The following PAQR5 variants were observed in gnomAD, a reference collection of about 807,000 sequenced individuals.
The protein encoded by PAQR5 is progestin and adipoQ receptor family member 5, also known as membrane progestin receptor gamma.
In PAQR5, 20 loss-of-function variants were observed where a neutral mutation model predicts 34.5. That is an observed-to-expected ratio of 0.58 (90% CI 0.41 to 0.84). The LOEUF is 0.84. Ranked by LOEUF, PAQR5 falls within the 40% of genes least tolerant of loss-of-function variation. The pLI is 0.00. For synonymous variants in PAQR5, 131 were observed against 155.6 expected, an observed-to-expected ratio of 0.84 and a Z score of 1.18; for missense variants, 378 against 412.7, an observed-to-expected ratio of 0.92 and a Z score of 0.73.
chr15:69,345,334 G>T lies in PAQR5; in HGVS notation c.-116+7833G>T, dbSNP rs2054742050. Among the ~76,000 whole-genome samples, 4 of 152,120 alleles carry T rather than the reference G, an allele frequency of 2.6e-5. No homozygotes were observed. In the South Asian group the frequency reaches 8.3e-4, roughly 32 times the overall value. On this transcript the variant is annotated intron_variant, in intron 2 of 8. Transcript: ENST00000395407. ...TATTAAGTTTTTGGACTCTCTCATT[G>T]GGAAAATAGTCCATAGGCTTATAAT...
chr15:69,348,185 A>G (rs1181628428), intron 2 of PAQR5, among the ~76,000 whole-genome samples: 1 of 152,150 alleles, frequency 6.6e-6, no homozygotes, highest in Non-Finnish European at 1.5e-5. Context: ...TTTCCTCTCA[A>G]TAAAACATAA....
chr15:69,403,166 T>C (rs2140279665), intron 8 of PAQR5, among the ~76,000 whole-genome samples: 1 of 152,362 alleles, frequency 6.6e-6, no homozygotes, highest in Admixed American at 6.5e-5. Context: ...GGTGGATAAG[T>C]TGTTTTAAAA....
intron 6 of PAQR5, among the ~76,000 whole-genome samples, chr15:69,390,913 C>T (rs755801916): frequency 1.3e-5 from 2 of 151,286 alleles, no homozygotes; most frequent in East Asian, 3.9e-4. Context: ...CCAATTTATT[C>T]AGCTCTTTGT....
chr15:69,389,556 T>C (rs1009166214), intron 5 of PAQR5, 98 bp from the exon 6 acceptor site: 2 of 1,509,302 alleles, frequency 1.3e-6, no homozygotes, highest in African/African-American at 1.4e-5. Context: ...ACTGTGGGAA[T>C]GATAAGGGCC....
chr15:69,346,328 C>T, intron 2 of PAQR5, among the ~76,000 whole-genome samples: 1 of 73,888 alleles, frequency 1.4e-5, no homozygotes, highest in African/African-American at 5.3e-5. Context: ...TTTTTTGCGA[C>T]AGGGTCTCAC....
intron 3 of PAQR5, among the ~76,000 whole-genome samples, chr15:69,363,982 A>G (rs757069246): frequency 2.6e-5 from 4 of 152,138 alleles, no homozygotes; most frequent in Non-Finnish European, 5.9e-5. Context: ...CTACACAGAG[A>G]GGAAAAGCAA....
intron 1 of PAQR5, among the ~76,000 whole-genome samples, chr15:69,328,628 C>A (rs1244774492): frequency 6.6e-6 from 1 of 151,958 alleles, no homozygotes; most frequent in African/African-American, 2.4e-5. Context: ...GGGAGTTGCT[C>A]GGGATGGGGG....
intron 6 of PAQR5, chr15:69,391,142 C>T (rs2056259227): frequency 6.5e-6 from 1 of 152,832 alleles, no homozygotes; most frequent in African/African-American, 2.4e-5. Flanking sequence ...CTCCCTGCCT[C>T]CACTTGCCCC....
At position 69,398,022 on chromosome 15, in the gene PAQR5, C is replaced by T. The variant is rs563114613; in HGVS notation, c.609+458C>T. 2.6e-5 allele frequency among the ~76,000 whole-genome samples: 4 copies of T among 152,230 alleles called. No homozygotes were observed. In the East Asian group the frequency reaches 7.7e-4, roughly 29 times the overall value. On this transcript the variant is annotated intron_variant, in intron 7 of 8. Transcript: ENST00000395407. ...AGAGCGAGCTCTGCAGGCAGGTCTCCAATACTTGCTGTCAGTCCCTGGGCC... is the reference window on the plus strand; with the variant it reads ...AGAGCGAGCTCTGCAGGCAGGTCTCTAATACTTGCTGTCAGTCCCTGGGCC...
chr15:69,340,551 G>A (rs1408205707), intron 2 of PAQR5, among the ~76,000 whole-genome samples: 3 of 152,206 alleles, frequency 2.0e-5, no homozygotes, highest in Non-Finnish European at 4.4e-5. Context: ...CAAGGAGGCT[G>A]AAGTTCAGGC....
intron 2 of PAQR5, among the ~76,000 whole-genome samples, chr15:69,340,932 T>C (rs182971766): frequency 6.6e-6 from 1 of 152,360 alleles, no homozygotes; most frequent in African/African-American, 2.4e-5. Context: ...TAAATTTTTG[T>C]ATTAAAACAA....
chr15:69,353,461 G>A (rs2140803721), intron 2 of PAQR5, among the ~76,000 whole-genome samples: 1 of 152,258 alleles, frequency 6.6e-6, no homozygotes, highest in East Asian at 1.9e-4. Context: ...GTGACAATGG[G>A]CCCATGCTCA....
At chr15:69,369,254 G>C (rs952308803) in intron 3 of PAQR5, among the ~76,000 whole-genome samples, 5 of 152,114 alleles carry the variant, frequency 3.3e-5, no homozygotes, top group Non-Finnish European at 5.9e-5. Context: ...GTAGAAATCC[G>C]GCTGGGTGTG....
Position 69,382,702 on chromosome 15 carries a change from A to G in PAQR5, c.180-1975A>G, listed in dbSNP as rs201584922. Among the ~76,000 whole-genome samples the G allele has an allele frequency of 8.9e-3, 986 of 111,280 alleles. 58 individuals carry two copies. The East Asian group carries it at 0.14, about 16-fold the overall frequency. The allele number at this position is 111,280 out of a possible 152,430, so 73.0% of individuals were successfully genotyped here. On this transcript the variant is annotated intron_variant, in intron 4 of 8. Coordinates refer to ENST00000395407, the MANE Select transcript of PAQR5 (RefSeq NM_017705.4). ...TATATATATATATATATATATATAT[A>G]TATGTATGTATGTATATATGTATGT...
chr15:69,378,455 A>AAG (rs1296167994), intron 3 of PAQR5, among the ~76,000 whole-genome samples: 1 of 148,306 alleles, frequency 6.7e-6, no homozygotes, highest in African/African-American at 2.5e-5. Flanking sequence ...AAAAAAAAAA[A>AAG]AAAAGAGAGA....
At chr15:69,379,470 C>A in intron 3 of PAQR5, 1 of 985,396 alleles carries the variant, frequency 1.0e-6, no homozygotes, top group African/African-American at 1.7e-5. Context: ...TTCTTCCCAC[C>A]AGCCCCTGAC....
intron 2 of PAQR5, among the ~76,000 whole-genome samples, chr15:69,341,169 C>T (rs1189629796): frequency 6.7e-6 from 1 of 150,146 alleles, no homozygotes; most frequent in East Asian, 2.0e-4. Flanking sequence ...ACTAATTCCC[C>T]ATCCCCTCTA....
intron 1 of PAQR5, among the ~76,000 whole-genome samples, chr15:69,333,319 C>G (rs778650132): frequency 6.6e-6 from 1 of 152,130 alleles, no homozygotes; most frequent in Non-Finnish European, 1.5e-5. Flanking sequence ...AGGCTCTGTT[C>G]TGTTTTTCAC....
intron 3 of PAQR5, 82 bp from the exon 4 acceptor site, chr15:69,379,801 C>T: frequency 6.6e-7 from 1 of 1,512,170 alleles, no homozygotes; most frequent in South Asian, 1.2e-5. Context: ...GCACACAGAG[C>T]ACGGCCTGGA....
Sources: gnomAD v4.1 joint callset for allele counts (sites outside exome capture counted in the v4.1 genomes callset) on GRCh38, gnomAD v4.1.1 for gene constraint, MANE v1.5 for transcripts, NCBI Gene and HGNC (gene_info 2026-07-23, HGNC 2026-07-21) for gene names.